The following KLHL26 variants were observed in gnomAD, a reference collection of about 807,000 sequenced individuals.
The protein encoded by KLHL26 is kelch like family member 26.
In KLHL26, 4 loss-of-function variants were observed where a neutral mutation model predicts 7.1. That is an observed-to-expected ratio of 0.56 (90% CI 0.28 to 1.28). The LOEUF (loss-of-function observed/expected upper bound fraction) is 1.28. Among genes scored for constraint, KLHL26 ranks in the 50% most tolerant of loss-of-function variants. The pLI is 0.11. For missense variants in KLHL26, 896 were observed against 924.6 expected (o/e 0.97, Z 0.40); for synonymous variants, 465 against 414.1 (o/e 1.12, Z -1.49).
chr19:18,654,528 T>C (rs1432725517), intron 1 of KLHL26, among the ~76,000 whole-genome samples: 1 of 151,232 alleles, frequency 6.6e-6, no homozygotes, highest in Non-Finnish European at 1.5e-5. Flanking sequence ...TGTCCACCCA[T>C]CCACCCACCC....
Position 18,664,267 on chromosome 19 carries a change from C to T in KLHL26, c.90C>T (p.Ala30=), listed in dbSNP as rs1076235. The T allele has an allele frequency of 0.32, 516,359 of 1,595,112 alleles. 87,144 individuals carry two copies. Among genetic ancestry groups the T allele is most frequent in the African/African-American group, 0.49 (36,626 of 74,618 alleles). ...GPGPERPNST[A]DKNGALKCTF... is the part of the protein sequence containing the mutation. ...ACCTCTGCTTTCCCCGCAGCACGGC[C>T]GACAAGAACGGGGCCCTCAAGTGCA... Residue 30 remains alanine, a synonymous_variant, in exon 2 of 3, where the codon GCC becomes GCT. Transcript: ENST00000300976.
At chr19:18,657,266 A>G (rs1264755647) in intron 1 of KLHL26, among the ~76,000 whole-genome samples, 1 of 122,628 alleles carries the variant, frequency 8.2e-6, no homozygotes, top group Non-Finnish European at 1.7e-5. Flanking sequence ...TGTCTCTGTC[A>G]TGAGACAGGG....
intron 1 of KLHL26, among the ~76,000 whole-genome samples, chr19:18,663,708 CTAT>C (rs34126544): frequency 1.3e-5 from 2 of 148,436 alleles, no homozygotes; most frequent in South Asian, 4.2e-4. Flanking sequence ...GGCTCCTAAG[CTAT>C]TAATTCATTG....
chr19:18,652,515 G>C (rs2145387238), intron 1 of KLHL26, among the ~76,000 whole-genome samples: 1 of 150,504 alleles, frequency 6.6e-6, no homozygotes, highest in East Asian at 2.0e-4. Context: ...ACTTGAACCT[G>C]GGAGGTGGAG....
intron 1 of KLHL26, among the ~76,000 whole-genome samples, chr19:18,658,581 C>T (rs2052358661): frequency 1.3e-5 from 2 of 148,766 alleles, no homozygotes; most frequent in Non-Finnish European, 1.5e-5. Flanking sequence ...CTGTCTCCCT[C>T]TCCGTCTCTC....
intron 1 of KLHL26, among the ~76,000 whole-genome samples, chr19:18,657,834 G>A (rs553055328): frequency 4.6e-5 from 7 of 152,302 alleles, no homozygotes; most frequent in East Asian, 3.9e-4. Context: ...CAGGGCGGCC[G>A]GGCCTCAGGG....
At chr19:18,655,235 C>T (rs904656361) in intron 1 of KLHL26, among the ~76,000 whole-genome samples, 7 of 152,326 alleles carry the variant, frequency 4.6e-5, no homozygotes, top group South Asian at 4.1e-4. Flanking sequence ...TGCCTGGGGC[C>T]GGCCTTGAAA....
intron 1 of KLHL26, among the ~76,000 whole-genome samples, 173 bp downstream of exon 1, chr19:18,637,310 A>T (rs980971329): frequency 1.5e-4 from 22 of 147,800 alleles, no homozygotes; most frequent in Admixed American, 1.1e-3. Context: ...AGGGCTACTG[A>T]GGGGGTGGCT....
chr19:18,658,377 C>T (rs965101694), intron 1 of KLHL26, among the ~76,000 whole-genome samples: 2 of 152,032 alleles, frequency 1.3e-5, no homozygotes, highest in South Asian at 4.1e-4. Flanking sequence ...CCCACACCAC[C>T]TCCCACACTG....
intron 1 of KLHL26, among the ~76,000 whole-genome samples, chr19:18,660,157 C>T (rs981121797): frequency 2.0e-5 from 3 of 152,190 alleles, no homozygotes; most frequent in African/African-American, 7.2e-5. Flanking sequence ...TGCACTGGGA[C>T]ATCTGAGAGG....
Position 18,664,322 on chromosome 19 carries a change from C to T in KLHL26, c.145C>T (p.Leu49Phe), listed in dbSNP as rs749240203. ...CTCGGCACCCAGCCACAGCACCAGCCTCCTGCAGGGCCTGGCCACCCTCCG... is the reference window on the plus strand; with the variant it reads ...CTCGGCACCCAGCCACAGCACCAGCTTCCTGCAGGGCCTGGCCACCCTCCG... ...TFSAPSHSTS[L>F]LQGLATLRAQ... The change falls in exon 2 of 3, where the codon CTC becomes TTC. Residue 49 changes from leucine (L) to phenylalanine (F), a missense_variant. Coordinates refer to ENST00000300976, the MANE Select transcript of KLHL26 (RefSeq NM_018316.3). The T allele has an allele frequency of 1.2e-6, 2 of 1,609,726 alleles. No homozygotes were observed. Among genetic ancestry groups the T allele is most frequent in the Admixed American group, 3.3e-5 (2 of 59,984 alleles).
Position 18,669,450 on chromosome 19 carries a change from C to G in KLHL26, c.*205C>G, listed in dbSNP as rs1003629723. On this transcript the variant is annotated 3_prime_UTR_variant, in exon 3 of 3. Transcript: ENST00000300976. ...CTGGCTGCGAGTCCATCCGAGGGAG[C>G]CTGCCGGCAAAGCGTCTGACATGTG... 3.2e-5 allele frequency: 19 copies of G among 586,570 alleles called. No homozygotes were observed. The highest frequency in any genetic ancestry group is 6.3e-5 in the Admixed American group (2 of 31,556). The allele number at this position is 586,570 out of a possible 1,614,324, so 36.3% of individuals were successfully genotyped here. A position where few individuals can be genotyped will look rare whatever the true frequency, so the allele number is the denominator to read the frequency against.
intron 1 of KLHL26, among the ~76,000 whole-genome samples, chr19:18,655,992 G>A (rs2052328659): frequency 6.6e-6 from 1 of 152,104 alleles, no homozygotes; most frequent in Non-Finnish European, 1.5e-5. Flanking sequence ...GTGAGGGGTG[G>A]CCACACGTAT....
chr19:18,652,426 T>C (rs998686892), intron 1 of KLHL26, among the ~76,000 whole-genome samples: 1 of 151,802 alleles, frequency 6.6e-6, no homozygotes, highest in African/African-American at 2.4e-5. Flanking sequence ...CTCGTCTCTA[T>C]TAAAAATACA....
intron 1 of KLHL26, among the ~76,000 whole-genome samples, chr19:18,663,343 G>T (rs1469078805): frequency 6.6e-6 from 1 of 152,214 alleles, no homozygotes; most frequent in Non-Finnish European, 1.5e-5. Context: ...CTGAAGGGGA[G>T]GTCAGGGACC....
intron 1 of KLHL26, chr19:18,659,547 G>T (rs2052370904): frequency 6.6e-6 from 1 of 152,404 alleles, no homozygotes; most frequent in Admixed American, 6.5e-5. Context: ...GGGCAATGCC[G>T]GCAGGCTCCG....
chr19:18,668,343 G>GGCAC lies in KLHL26; in HGVS notation c.949_952dup (p.Pro318HisfsTer19). 1 of 1,608,486 alleles carries GGCAC rather than the reference G, an allele frequency of 6.2e-7. No homozygotes were observed. Among genetic ancestry groups the GGCAC allele is most frequent in the East Asian group, 2.2e-5 (1 of 44,822 alleles). Reference sequence around the variant, plus strand: ...TGTGCCCTCGCTCGTCACCTTCGGCGGCACGCCCTACACCGACAGCGACCG... The same window carrying GGCAC: ...TGTGCCCTCGCTCGTCACCTTCGGCGGCACGCACGCCCTACACCGACAGCGACCG... On this transcript the variant is annotated frameshift_variant, in exon 3 of 3. Transcript: ENST00000300976. LOFTEE classifies it low-confidence loss of function (END_TRUNC).
At chr19:18,641,047 C>G (rs1038365061) in intron 1 of KLHL26, among the ~76,000 whole-genome samples, 1 of 152,196 alleles carries the variant, frequency 6.6e-6, no homozygotes, top group East Asian at 1.9e-4. Context: ...GAGATGAGGT[C>G]TCACTCTGTC....
Position 18,648,265 on chromosome 19 carries a change from G to C in KLHL26, c.83+11128G>C, listed in dbSNP as rs1256439314. Among the ~76,000 whole-genome samples the C allele has an allele frequency of 1.3e-5, 2 of 152,216 alleles. No homozygotes were observed. Among genetic ancestry groups the C allele is most frequent in the Non-Finnish European group, 2.9e-5 (2 of 68,040 alleles). ...GGTGCTTGTAGTCCCAGCTGCTCTG[G>C]AGGCTGAGGCACGAGAGTCGATTGA... On this transcript the variant is annotated intron_variant, in intron 1 of 2. Coordinates refer to ENST00000300976, the MANE Select transcript of KLHL26 (RefSeq NM_018316.3). This position sits in a 1 kb window ranked among gnomAD's most constrained non-coding sequence, Gnocchi z 4.9.
Sources: allele counts gnomAD v4.1 joint callset (sites outside exome capture counted in the v4.1 genomes callset), GRCh38; gene constraint gnomAD v4.1.1; non-coding constraint Gnocchi (gnomAD v3.1); transcripts MANE v1.5; gene names NCBI Gene and HGNC (gene_info 2026-07-23, HGNC 2026-07-21).